FOXP1: variants seen among roughly 807,000 people sequenced by gnomAD.
FOXP1 encodes the protein forkhead box P1.
Under a neutral mutation model 98.2 loss-of-function variants are expected in FOXP1, and 15 were observed. The observed-to-expected ratio is 0.15, with a 90% CI of 0.10 to 0.24. FOXP1 has a LOEUF of 0.24. FOXP1 is among the 10% of genes least tolerant of loss of function. The pLI is 1.00. For missense variants in FOXP1, 633 were observed against 848.5 expected (o/e 0.75, Z 3.15); for synonymous variants, 371 against 314.5 (o/e 1.18, Z -1.90).
chr3:70,990,170 A>C (rs1356089919), intron 13 of FOXP1, among the ~76,000 whole-genome samples: 3 of 152,154 alleles, frequency 2.0e-5, no homozygotes, highest in Non-Finnish European at 4.4e-5. Flanking sequence ...AAAAGGCAAA[A>C]ATCTAACTTT....
chr3:71,530,460 T>C (rs1560613440), intron 2 of FOXP1, among the ~76,000 whole-genome samples: 1 of 152,170 alleles, frequency 6.6e-6, no homozygotes, highest in African/African-American at 2.4e-5. Context: ...ATCCAGTCTG[T>C]GGATTCTGTT....
intron 7 of FOXP1, among the ~76,000 whole-genome samples, chr3:71,091,543 C>T (rs2055850042): frequency 6.6e-6 from 1 of 151,844 alleles, no homozygotes; most frequent in Non-Finnish European, 1.5e-5. Context: ...AAAAACTGAG[C>T]TTTACTTGGA....
At chr3:71,302,540 T>C (rs1466888973) in intron 4 of FOXP1, among the ~76,000 whole-genome samples, 1 of 148,660 alleles carries the variant, frequency 6.7e-6, no homozygotes, top group African/African-American at 2.5e-5. Flanking sequence ...AAGATAAAGA[T>C]AAAAGAAATA....
At position 71,142,632 on chromosome 3, in the gene FOXP1, A is replaced by G. The variant is rs144593306; in HGVS notation, c.181-29995T>C. Among the ~76,000 whole-genome samples the G allele has an allele frequency of 2.2e-4, 33 of 152,340 alleles. 1 individual carries two copies. The highest frequency in any genetic ancestry group is 4.1e-4 in the Non-Finnish European group (28 of 68,022). On this transcript the variant is annotated intron_variant, in intron 6 of 20. Transcript: ENST00000649528. ...GCAAGGAAGCAGGGACCTCAGTCCT[A>G]CAGCCAGAAGGAAATGGATTCTACC...
At chr3:71,119,883 T>G (rs950764010) in intron 6 of FOXP1, among the ~76,000 whole-genome samples, 1 of 152,208 alleles carries the variant, frequency 6.6e-6, no homozygotes, top group African/African-American at 2.4e-5. Flanking sequence ...AAGCAACAGG[T>G]TCTTCAAACA....
intron 6 of FOXP1, 42 bp from the exon 7 acceptor site, chr3:71,112,679 G>C: frequency 7.0e-7 from 1 of 1,425,788 alleles, no homozygotes; most frequent in Non-Finnish European, 9.9e-7. Context: ...TACTACACAG[G>C]TTCAGGGGAC....
chr3:71,176,788 G>A (rs2061966449), intron 6 of FOXP1, among the ~76,000 whole-genome samples: 1 of 149,128 alleles, frequency 6.7e-6, no homozygotes, highest in Non-Finnish European at 1.5e-5. Flanking sequence ...GGGGGCGGGT[G>A]CGGTGGCTCA....
At chr3:71,249,608 T>C (rs1197484885) in intron 5 of FOXP1, among the ~76,000 whole-genome samples, 1 of 152,178 alleles carries the variant, frequency 6.6e-6, no homozygotes, top group East Asian at 1.9e-4. Context: ...GGACACCATA[T>C]TGGCATCCAA....
At chr3:71,157,286 A>G (rs2060872623) in intron 6 of FOXP1, among the ~76,000 whole-genome samples, 1 of 152,220 alleles carries the variant, frequency 6.6e-6, no homozygotes, top group South Asian at 2.1e-4. Flanking sequence ...AGAGAATAAC[A>G]CAGAAAGGAC....
At chr3:71,191,901 T>G (rs2063002234) in intron 6 of FOXP1, among the ~76,000 whole-genome samples, 1 of 152,236 alleles carries the variant, frequency 6.6e-6, no homozygotes, top group African/African-American at 2.4e-5. Context: ...CCATCAATAC[T>G]TTTCACGTTA....
In FOXP1 at chr3:71,456,510, T is replaced by A. The variant is rs2087522195; in HGVS notation, c.-168+36916A>T. ...CGAAATTTGTTTTACATGTTCCCCT[T>A]GAGGGTCAGCCCTTCCTTTTCTCTC... is the stretch of plus-strand genomic sequence containing the variant. On this transcript the variant is annotated intron_variant, in intron 3 of 20. Transcript: ENST00000649528. Among the ~76,000 whole-genome samples, 5 of 152,168 alleles carry A rather than the reference T, an allele frequency of 3.3e-5. No individual in the cohort carries two copies. In the South Asian group the frequency reaches 1.0e-3, roughly 32 times the overall value.
intron 6 of FOXP1, among the ~76,000 whole-genome samples, chr3:71,157,545 T>G (rs1423056941): frequency 6.6e-6 from 1 of 152,156 alleles, no homozygotes; most frequent in Non-Finnish European, 1.5e-5. Flanking sequence ...TTATATAACT[T>G]TTAGAACACA....
chr3:71,455,878 T>G (rs1403294602), intron 3 of FOXP1, among the ~76,000 whole-genome samples: 2 of 152,208 alleles, frequency 1.3e-5, no homozygotes, highest in Non-Finnish European at 2.9e-5. Flanking sequence ...TGCGGGAATA[T>G]GCAAGAATGG....
intron 3 of FOXP1, among the ~76,000 whole-genome samples, chr3:71,428,630 C>T (rs1018751344): frequency 3.3e-5 from 5 of 152,170 alleles, no homozygotes; most frequent in South Asian, 2.1e-4. Context: ...AAAGAGGCCC[C>T]CCTATGAAAT....
At chr3:71,214,762 G>A (rs1451098303) in intron 5 of FOXP1, among the ~76,000 whole-genome samples, 1 of 152,190 alleles carries the variant, frequency 6.6e-6, no homozygotes, top group African/African-American at 2.4e-5. Flanking sequence ...GAGCGGGGGA[G>A]AGAGGATCAT....
chr3:71,337,800 T>C (rs1324855640), intron 4 of FOXP1, among the ~76,000 whole-genome samples: 2 of 152,228 alleles, frequency 1.3e-5, no homozygotes, highest in Non-Finnish European at 2.9e-5. Flanking sequence ...GATTGATAAC[T>C]AATCATTTCA....
chr3:71,205,693 A>T (rs1576374163), intron 5 of FOXP1, among the ~76,000 whole-genome samples: 2 of 152,172 alleles, frequency 1.3e-5, no homozygotes, highest in East Asian at 3.9e-4. Context: ...AGAACACAGC[A>T]TCTGTGTCCA....
intron 3 of FOXP1, among the ~76,000 whole-genome samples, chr3:71,493,002 TA>T (rs2091170249): frequency 6.6e-6 from 1 of 152,118 alleles, no homozygotes. Context: ...GTCCTGATCA[TA>T]CAAAAAGTTT....
chr3:71,339,760 A>G (rs1457725027), intron 4 of FOXP1, among the ~76,000 whole-genome samples: 1 of 152,220 alleles, frequency 6.6e-6, no homozygotes, highest in Non-Finnish European at 1.5e-5. Context: ...GTAGGGAGGT[A>G]GCACATTGAA....
Sources: gnomAD v4.1 joint callset for allele counts (sites outside exome capture counted in the v4.1 genomes callset) on GRCh38, gnomAD v4.1.1 for gene constraint, MANE v1.5 for transcripts, NCBI Gene and HGNC (gene_info 2026-07-23, HGNC 2026-07-21) for gene names.